SPMAP1: variants seen among roughly 807,000 people sequenced by gnomAD.
SPMAP1 encodes the protein sperm microtubule associated protein 1.
At chr17:38,837,266 C>A in the SPMAP1 span, 2 of 1,501,278 alleles carry the variant, frequency 1.3e-6, no homozygotes, top group Non-Finnish European at 1.9e-6. Context: ...AGAAAGTGGG[C>A]AAGAACACTG....
the SPMAP1 span, among the ~76,000 whole-genome samples, chr17:38,839,657 G>A: frequency 4.0e-5 from 6 of 151,674 alleles, no homozygotes; most frequent in African/African-American, 1.5e-4. Flanking sequence ...TTAGACGGGC[G>A]GGCGTGGTGG....
the SPMAP1 span, chr17:38,837,239 T>A: frequency 1.2e-6 from 2 of 1,610,388 alleles, no homozygotes; most frequent in Non-Finnish European, 1.7e-6. Context: ...ACCGCCATGA[T>A]CCTGAAAGTG....
the SPMAP1 span, among the ~76,000 whole-genome samples, chr17:38,840,624 A>G: frequency 7.9e-5 from 6 of 76,050 alleles, no homozygotes; most frequent in East Asian, 1.7e-3. Flanking sequence ...CTACAAAAAA[A>G]AAAAAAAAAA....
At chr17:38,840,980 G>A in the SPMAP1 span, among the ~76,000 whole-genome samples, 6 of 152,054 alleles carry the variant, frequency 3.9e-5, no homozygotes, top group African/African-American at 1.4e-4. Flanking sequence ...GGAGGTTGCA[G>A]TGAGCCAAGA....
chr17:38,837,348 G>C, the SPMAP1 span: 9 of 774,374 alleles, frequency 1.2e-5, no homozygotes, highest in Non-Finnish European at 1.9e-5. Flanking sequence ...GAAGAGGTCA[G>C]AGCCTTAGGT....
the SPMAP1 span, among the ~76,000 whole-genome samples, chr17:38,839,467 C>CAAA: frequency 3.2e-5 from 4 of 124,886 alleles, no homozygotes; most frequent in Admixed American, 1.7e-4. Flanking sequence ...GACCCTGTCT[C>CAAA]AAAAAAAAAA....
the SPMAP1 span, among the ~76,000 whole-genome samples, chr17:38,839,042 C>T: frequency 1.6e-3 from 212 of 134,288 alleles, 1 homozygote; most frequent in African/African-American, 5.9e-3. Context: ...GCTGAGATGA[C>T]GCCACTGCAC....
chr17:38,837,957 C>T, the SPMAP1 span, among the ~76,000 whole-genome samples: 2 of 152,106 alleles, frequency 1.3e-5, no homozygotes, highest in East Asian at 1.9e-4. Flanking sequence ...GTTGCCATCT[C>T]GGCTCACTGC....
At chr17:38,836,352 G>A in the SPMAP1 span, among the ~76,000 whole-genome samples, 1 of 152,012 alleles carries the variant, frequency 6.6e-6, no homozygotes, top group African/African-American at 2.4e-5. Context: ...TGTAATGCCA[G>A]CACTTTGGGA....
chr17:38,836,260 C>T, the SPMAP1 span, among the ~76,000 whole-genome samples: 2 of 151,864 alleles, frequency 1.3e-5, no homozygotes, highest in Admixed American at 1.3e-4. Context: ...TGCCAAATTA[C>T]TTTAACTCAA....
At chr17:38,835,743 C>T in the SPMAP1 span, among the ~76,000 whole-genome samples, 3 of 152,188 alleles carry the variant, frequency 2.0e-5, no homozygotes, top group Admixed American at 1.3e-4. Context: ...CACAAAGTAT[C>T]ATGTGACTAG....
chr17:38,836,085 T>G, the SPMAP1 span, among the ~76,000 whole-genome samples: 3 of 151,964 alleles, frequency 2.0e-5, no homozygotes, highest in Admixed American at 6.6e-5. Flanking sequence ...CGGCTAATTT[T>G]TTGTATTTTT....
At chr17:38,840,124 G>A in the SPMAP1 span, among the ~76,000 whole-genome samples, 1 of 152,274 alleles carries the variant, frequency 6.6e-6, no homozygotes, top group East Asian at 1.9e-4. Context: ...GAAAAGGCCA[G>A]GGGGAGGAAC....
At chr17:38,840,572 G>A in the SPMAP1 span, among the ~76,000 whole-genome samples, 1 of 124,310 alleles carries the variant, frequency 8.0e-6, no homozygotes, top group Admixed American at 1.1e-4. Context: ...CGTGAGCCCA[G>A]GAGTTCAAGA....
chr17:38,841,056 A>G, the SPMAP1 span: 1 of 626,872 alleles, frequency 1.6e-6, no homozygotes, highest in Non-Finnish European at 2.7e-6. Context: ...TAATAATAAT[A>G]AATAAAAATT....
chr17:38,841,355 T>C, the SPMAP1 span: 2 of 1,614,132 alleles, frequency 1.2e-6, no homozygotes, highest in Non-Finnish European at 1.7e-6. Flanking sequence ...AAAGCCTTTC[T>C]CCAGTCGCAG....
At chr17:38,841,076 AAAG>A in the SPMAP1 span, 1 of 697,470 alleles carries the variant, frequency 1.4e-6, no homozygotes, top group Admixed American at 3.0e-5. Context: ...TTAAAAAAGA[AAAG>A]AAAGTAAACC....
chr17:38,838,651 C>A, the SPMAP1 span, among the ~76,000 whole-genome samples: 1 of 151,694 alleles, frequency 6.6e-6, no homozygotes, highest in South Asian at 2.1e-4. Context: ...TGGTGGCACA[C>A]GCCTATAGTC....
chr17:38,837,126 G>C, the SPMAP1 span: 2 of 1,571,052 alleles, frequency 1.3e-6, no homozygotes, highest in Non-Finnish European at 1.8e-6. Context: ...GGCTAGAAAT[G>C]GAGGCAGCAC....
Sources: gnomAD v4.1 joint callset for allele counts (sites outside exome capture counted in the v4.1 genomes callset) on GRCh38, gnomAD v4.1.1 for gene constraint, MANE v1.5 for transcripts, NCBI Gene and HGNC (gene_info 2026-07-23, HGNC 2026-07-21) for gene names.